The following EED variants were observed in gnomAD, a reference collection of about 807,000 sequenced individuals.
EED encodes polycomb protein EED.
A neutral mutation model predicts 61.0 loss-of-function variants in EED; 9 were observed. That is an observed-to-expected ratio of 0.15 (90% CI 0.09 to 0.26). The LOEUF is 0.26. Among genes scored for constraint, EED ranks in the 10% least tolerant of loss-of-function variants. The pLI, the probability that EED is intolerant of heterozygous loss-of-function variation, is 1.00. For synonymous variants in EED, 187 were observed against 174.4 expected (o/e 1.07, Z -0.57); for missense variants, 315 against 542.3 (o/e 0.58, Z 4.16).
intron 2 of EED, among the ~76,000 whole-genome samples, chr11:86,251,795 A>G (rs1195496029): frequency 6.6e-6 from 1 of 152,238 alleles, no homozygotes; most frequent in African/African-American, 2.4e-5. Context: ...TTTCAGAAAA[A>G]TAAATTGTGT....
chr11:86,249,684 G>C (rs1459334911), intron 1 of EED, among the ~76,000 whole-genome samples: 1 of 69,812 alleles, frequency 1.4e-5, no homozygotes, highest in African/African-American at 5.1e-5. Flanking sequence ...TTAGAACAAT[G>C]AGACAGTTTT....
At chr11:86,245,772 A>C (rs1945376808) in intron 1 of EED, among the ~76,000 whole-genome samples, 2 of 152,112 alleles carry the variant, frequency 1.3e-5, no homozygotes, top group African/African-American at 4.8e-5. Context: ...ACCCTTGTGG[A>C]ATTTTCAGGA....
downstream of EED, among the ~76,000 whole-genome samples, chr11:86,281,567 T>G (rs958034184): frequency 2.0e-5 from 3 of 152,208 alleles, no homozygotes; most frequent in East Asian, 1.9e-4. Flanking sequence ...TGCTATAAAC[T>G]TCCCTCTTAA....
chr11:86,245,626 G>T (rs1233101236), intron 1 of EED, among the ~76,000 whole-genome samples: 1 of 151,908 alleles, frequency 6.6e-6, no homozygotes, highest in African/African-American at 2.4e-5. Context: ...TTGGCCTTTG[G>T]GGGGATTTAA....
At chr11:86,281,794 C>G (rs1237450947), downstream of EED, among the ~76,000 whole-genome samples, 2 of 152,188 alleles carry the variant, frequency 1.3e-5, no homozygotes, top group Non-Finnish European at 2.9e-5. Context: ...GTAGCTACGA[C>G]TGTAGGCATG....
the EED span, chr11:86,284,056 A>G: frequency 2.0e-5 from 3 of 152,316 alleles, no homozygotes; most frequent in South Asian, 6.2e-4. Context: ...TTCAGTCTCT[A>G]CCAAGCCCAG....
At chr11:86,253,964 C>T (rs1415041189) in intron 3 of EED, among the ~76,000 whole-genome samples, 1 of 136,988 alleles carries the variant, frequency 7.3e-6, no homozygotes, top group Non-Finnish European at 1.5e-5. Flanking sequence ...AGGAGGATCA[C>T]TGGAATCCGG....
Position 86,245,229 on chromosome 11 carries a change from T to A in EED, c.-1T>A. On this transcript the variant is annotated 5_prime_UTR_variant, in exon 1 of 12. Coordinates refer to ENST00000263360, the MANE Select transcript of EED (RefSeq NM_003797.5). ...AGGAACCTGGAGGGAGGCGGAGGAA[T>A]ATGTCCGAGAGGGAAGTGTCGACTG... 5 of 1,611,464 alleles carry A rather than the reference T, an allele frequency of 3.1e-6. No homozygotes were observed. The highest frequency in any genetic ancestry group is 3.4e-6 in the Non-Finnish European group (4 of 1,179,074).
Position 86,252,371 on chromosome 11 carries a change from G to T in EED, c.360+131G>T, listed in dbSNP as rs185347764. The T allele has an allele frequency of 1.9e-3, 1,072 of 566,082 alleles. 3 individuals carry two copies. The highest frequency in any genetic ancestry group is 2.4e-3 in the Non-Finnish European group (804 of 334,630). 35.1% of individuals were successfully genotyped at this position (566,082 alleles called of 1,614,324 possible). A position where few individuals can be genotyped will look rare whatever the true frequency, so the allele number is the denominator to read the frequency against. The stretch of plus-strand genomic sequence containing the variant: ...AGCAATATGATTCTTTCATGTAAGA[G>T]TGAAGGTTTCTAGAAATTAATTAAA... On this transcript the variant is annotated intron_variant, in intron 3 of 11. Coordinates refer to ENST00000263360, the MANE Select transcript of EED (RefSeq NM_003797.5).
In EED at chr11:86,257,777, G is replaced by A. The variant is rs571703428; in HGVS notation, c.634+181G>A. On this transcript the variant is annotated intron_variant, in intron 6 of 11. Coordinates refer to ENST00000263360, the MANE Select transcript of EED (RefSeq NM_003797.5). ...ACAACCTTGCACAAAGGCCATCACA[G>A]CCTTACACAGAAAATACTGGCAGTA... 3.9e-5 allele frequency among the ~76,000 whole-genome samples: 6 copies of A among 152,296 alleles called. No homozygotes were observed. The East Asian group carries it at 1.2e-3, about 29-fold the overall frequency.
chr11:86,263,715 C>T (rs371344603), intron 6 of EED, among the ~76,000 whole-genome samples: 6 of 152,120 alleles, frequency 3.9e-5, no homozygotes, highest in African/African-American at 9.7e-5. Context: ...TTATTTGGCT[C>T]CTGTTTCTGG....
downstream of EED, among the ~76,000 whole-genome samples, chr11:86,283,188 T>A (rs188873461): frequency 2.0e-4 from 30 of 152,182 alleles, no homozygotes; most frequent in Admixed American, 7.2e-4. Context: ...TGTTGAAGAT[T>A]TAAGTCAACC....
chr11:86,253,045 G>T (rs79738584), intron 3 of EED, among the ~76,000 whole-genome samples: 402 of 152,292 alleles, frequency 2.6e-3, no homozygotes, highest in African/African-American at 9.3e-3. Flanking sequence ...ACCATGTCCA[G>T]CCTTTTAAGG....
intron 6 of EED, among the ~76,000 whole-genome samples, chr11:86,260,974 T>C (rs545846802): frequency 2.0e-5 from 3 of 152,174 alleles, no homozygotes; most frequent in South Asian, 4.2e-4. Context: ...GGTACTCTCA[T>C]GACCTAACGC....
rs142014464 is a variant in EED, at chr11:86,269,432, A to C, written c.966+871A>C. 2.5e-3 allele frequency among the ~76,000 whole-genome samples: 378 copies of C among 152,188 alleles called. 7 individuals are homozygous for C. The highest frequency in any genetic ancestry group is 0.01 in the Middle Eastern group (3 of 294). On this transcript the variant is annotated intron_variant, in intron 9 of 11. Coordinates refer to ENST00000263360, the MANE Select transcript of EED (RefSeq NM_003797.5). ...ATTTAGGATTATCAAATTTGGTGAA[A>C]TTGCTGTCCGGTTTCTTTTCTTGAT...
rs192387023 is a variant in EED at position 86,255,198 on chromosome 11, T to A, written c.361-24T>A. 13 of 1,572,746 alleles carry A rather than the reference T, an allele frequency of 8.3e-6. No homozygotes were observed. In the Admixed American group the frequency reaches 2.3e-4, roughly 27 times the overall value. ...ATGTTTTCTATACTTGAGATGAAAT[T>A]TACTGTATTTTTATTTTCATTAGGT... On this transcript the variant is annotated intron_variant, in intron 3 of 11. Coordinates refer to ENST00000263360, the MANE Select transcript of EED (RefSeq NM_003797.5).
chr11:86,273,284 A>G (rs961236227), intron 9 of EED, among the ~76,000 whole-genome samples: 2 of 152,226 alleles, frequency 1.3e-5, no homozygotes, highest in East Asian at 1.9e-4. Flanking sequence ...TGGCCTCCCA[A>G]AGGACTGGGA....
rs1485511920 is a variant in EED, at chr11:86,278,427, G to A, written c.1228G>A (p.Gly410Ser). The A allele has an allele frequency of 6.2e-7, 1 of 1,613,412 alleles. No individual in the cohort carries two copies. The highest frequency in any genetic ancestry group is 2.2e-5 in the East Asian group (1 of 44,860). The change falls in exon 12 of 12, where the codon GGT becomes AGT. Residue 410 changes from glycine to serine, a missense_variant. Coordinates refer to ENST00000263360, the MANE Select transcript of EED (RefSeq NM_003797.5). ...KCTTLTHHKC[G>S]AAIRQTSFSR... ...TACAACACTGACTCATCATAAATGT[G>A]GTGCTGCTATTCGACAAACCAGTTT...
chr11:86,275,152 G>C (rs2138230468), intron 9 of EED, among the ~76,000 whole-genome samples: 1 of 152,272 alleles, frequency 6.6e-6, no homozygotes, highest in East Asian at 1.9e-4. Context: ...TATCGTTTGT[G>C]TTCCAAGGTT....
Sources: gnomAD v4.1 joint callset for allele counts (sites outside exome capture counted in the v4.1 genomes callset) on GRCh38, gnomAD v4.1.1 for gene constraint, MANE v1.5 for transcripts, NCBI Gene and HGNC (gene_info 2026-07-23, HGNC 2026-07-21) for gene names.